The following EDC4 variants were observed in gnomAD, a reference collection of about 807,000 sequenced individuals.
The protein encoded by EDC4 is enhancer of mRNA-decapping protein 4.
A neutral mutation model predicts 155.8 loss-of-function variants in EDC4; 64 were observed. The ratio of observed to expected loss-of-function variants is 0.41; its 90% CI spans 0.34 to 0.51. The LOEUF is 0.51. Among genes scored for constraint, EDC4 ranks in the 20% least tolerant of loss-of-function variants. EDC4 has a pLI of 0.19. For missense variants in EDC4, 1,303 were observed against 1,812.5 expected, an observed-to-expected ratio of 0.72 and a Z score of 5.10; for synonymous variants, 684 against 716.8, an observed-to-expected ratio of 0.95 and a Z score of 0.73.
chr16:67,873,274 G>A lies in EDC4; in HGVS notation c.13G>A (p.Ala5Thr), dbSNP rs1302846233. Residue 5 changes from alanine to threonine, a missense_variant, in exon 1 of 29, where the codon GCG becomes ACG. Physicochemically the swap from Ala to Thr is moderately conservative, Grantham distance 58. This residue lies in a region of EDC4 where 99 missense variants were observed against 121.3 expected (regional missense o/e 0.82). Transcript: ENST00000358933. Reference sequence around the variant, plus strand: ...CGCCGCAGGGCCCATGGCCTCCTGCGCGAGCATCGACATCGAGGACGCCAC... The same window carrying A: ...CGCCGCAGGGCCCATGGCCTCCTGCACGAGCATCGACATCGAGGACGCCAC... Reference protein sequence around the residue: MASCASIDIEDATQH... With the variant: MASCTSIDIEDATQH... The A allele has an allele frequency of 6.8e-7, 1 of 1,469,736 alleles. No individual in the cohort carries two copies. The highest frequency in any genetic ancestry group is 9.0e-7 in the Non-Finnish European group (1 of 1,114,844). 91.0% of individuals were successfully genotyped at this position (1,469,736 alleles called of 1,614,324 possible). A position where few individuals can be genotyped will look rare whatever the true frequency, so the allele number is the denominator to read the frequency against.
chr16:67,877,765 C>T lies in EDC4; in HGVS notation c.814C>T (p.Leu272Phe). 6.2e-7 allele frequency: 1 copy of T among 1,614,184 alleles called. No individual in the cohort carries two copies. The highest frequency in any genetic ancestry group is 1.6e-4 in the Middle Eastern group (1 of 6,062). ...DRAEVWDLDM[L>F]RSSHSTWPVD... Reference sequence around the variant, plus strand: ...GGCTGAGGTGTGGGACCTGGACATGCTCCGCTCCAGCCACAGTACCTGGCC... The same window carrying T: ...GGCTGAGGTGTGGGACCTGGACATGTTCCGCTCCAGCCACAGTACCTGGCC... Residue 272 changes from leucine to phenylalanine, a missense_variant, in exon 7 of 29, where the codon CTC (leucine) becomes TTC (phenylalanine). Physicochemically the swap from Leu to Phe is conservative, Grantham distance 22. Transcript: ENST00000358933. This position sits in a 1 kb window ranked among gnomAD's most constrained non-coding sequence, Gnocchi z 4.9.
At position 67,882,975 on chromosome 16, in the gene EDC4, T is replaced by A. The variant is rs2058075652; in HGVS notation, c.3647T>A (p.Leu1216Ter). The part of the protein sequence containing the change: ...VAVGSLQESI[L>*]AQVQRIVKGE... ...CTTTGCAGCCTGCAGGAGTCCATTTTAGCACAGGTACAGCGCATCGTTAAG... is the reference window on the plus strand; with the variant it reads ...CTTTGCAGCCTGCAGGAGTCCATTTAAGCACAGGTACAGCGCATCGTTAAG... The change falls in exon 27 of 29, where the codon TTA (leucine) becomes TAA (stop). Residue 1216 changes from leucine to a stop codon, truncating the protein, a stop_gained. Transcript: ENST00000358933. LOFTEE classifies it high-confidence loss of function. The surrounding 1 kb of genome is among the most constrained non-coding windows in gnomAD (Gnocchi z 7.2). The A allele has an allele frequency of 6.2e-7, 1 of 1,613,986 alleles. No homozygotes were observed. The highest frequency in any genetic ancestry group is 8.5e-7 in the Non-Finnish European group (1 of 1,179,942).
chr16:67,873,273 C>A lies in EDC4; in HGVS notation c.12C>A (p.Cys4Ter). Residue 4 changes from cysteine (C) to a stop codon, truncating the protein, a stop_gained, in exon 1 of 29, where the codon TGC (cysteine) becomes TGA (stop). Transcript: ENST00000358933. LOFTEE classifies it high-confidence loss of function. MAS[C>*]ASIDIEDATQ... ...CCGCCGCAGGGCCCATGGCCTCCTG[C>A]GCGAGCATCGACATCGAGGACGCCA... is the stretch of plus-strand genomic sequence containing the variant. The A allele has an allele frequency of 6.8e-7, 1 of 1,469,158 alleles. No homozygotes were observed. The highest frequency in any genetic ancestry group is 1.3e-5 in the South Asian group (1 of 76,936). The allele number at this position is 1,469,158 out of a possible 1,614,324, so 91.0% of individuals were successfully genotyped here.
At position 67,873,221 on chromosome 16, in the gene EDC4, G is replaced by T. The variant is rs559652258; in HGVS notation, c.-41G>T. ...AGGGTGCGTGGTGCGCGGCGGCGGC[G>T]GAACGAACGCGGTGCGGGCGGGGCG... On this transcript the variant is annotated 5_prime_UTR_variant, in exon 1 of 29. Coordinates refer to ENST00000358933, the MANE Select transcript of EDC4 (RefSeq NM_014329.5). 1.5e-4 allele frequency: 197 copies of T among 1,354,510 alleles called. No individual in the cohort carries two copies. The highest frequency in any genetic ancestry group is 1.8e-4 in the Non-Finnish European group (194 of 1,054,668). 83.9% of individuals were successfully genotyped at this position (1,354,510 alleles called of 1,614,324 possible).
chr16:67,883,228 C>A lies in EDC4; in HGVS notation c.3849+51C>A. On this transcript the variant is annotated intron_variant, in intron 27 of 28. Coordinates refer to ENST00000358933, the MANE Select transcript of EDC4 (RefSeq NM_014329.5). This position sits in a 1 kb window ranked among gnomAD's most constrained non-coding sequence, Gnocchi z 5.3. Reference sequence around the variant, plus strand: ...AGGGTCACGTGTCTCTTGACAAGGCCCACATACCATACATTCTACTCCACC... The same window carrying A: ...AGGGTCACGTGTCTCTTGACAAGGCACACATACCATACATTCTACTCCACC... 1 of 1,508,224 alleles carries A rather than the reference C, an allele frequency of 6.6e-7. No individual in the cohort carries two copies. Among genetic ancestry groups the A allele is most frequent in the South Asian group, 1.3e-5 (1 of 79,414 alleles). 93.4% of individuals were successfully genotyped at this position (1,508,224 alleles called of 1,614,324 possible). A position where few individuals can be genotyped will look rare whatever the true frequency, so the allele number is the denominator to read the frequency against.
In EDC4 at chr16:67,881,550, A is replaced by G. The variant is rs2058068158; in HGVS notation, c.2826+17A>G. On this transcript the variant is annotated intron_variant, in intron 21 of 28. Transcript: ENST00000358933. This position sits in a 1 kb window ranked among gnomAD's most constrained non-coding sequence, Gnocchi z 5.4. Reference sequence around the variant, plus strand: ...GAGCACCAGGTAAGTGAATGAGCCCACTTTGTACTTGTGGAACTTCACCCT... The same window carrying G: ...GAGCACCAGGTAAGTGAATGAGCCCGCTTTGTACTTGTGGAACTTCACCCT... 2 of 1,613,610 alleles carry G rather than the reference A, an allele frequency of 1.2e-6. No individual in the cohort carries two copies. Among genetic ancestry groups the G allele is most frequent in the Admixed American group, 1.7e-5 (1 of 59,998 alleles).
At chr16:67,875,036 C>T (rs1015021592) in intron 1 of EDC4, among the ~76,000 whole-genome samples, 4 of 152,146 alleles carry the variant, frequency 2.6e-5, no homozygotes, top group African/African-American at 9.7e-5. Flanking sequence ...GCCGAGATCG[C>T]GCCAAAATAA....
In EDC4 at chr16:67,878,909, C is replaced by CCG; in HGVS notation, c.1288-48_1288-47insCG. ...GAAGGCCGGGGGGCAGGTGGCGCATCACAGCCCTTAGCCTCTGAGCTCAGC... is the reference window on the plus strand; with the variant it reads ...GAAGGCCGGGGGGCAGGTGGCGCATCCGACAGCCCTTAGCCTCTGAGCTCAGC... On this transcript the variant is annotated intron_variant, in intron 11 of 28. Coordinates refer to ENST00000358933, the MANE Select transcript of EDC4 (RefSeq NM_014329.5). This position sits in a 1 kb window ranked among gnomAD's most constrained non-coding sequence, Gnocchi z 5.2. 1 of 1,611,094 alleles carries CCG rather than the reference C, an allele frequency of 6.2e-7. No individual in the cohort carries two copies. The highest frequency in any genetic ancestry group is 8.5e-7 in the Non-Finnish European group (1 of 1,179,806).
At chr16:67,875,632 A>G in intron 1 of EDC4, 1 of 777,504 alleles carries the variant, frequency 1.3e-6, no homozygotes, top group Non-Finnish European at 1.6e-6. Flanking sequence ...GTCTTTCCTG[A>G]CCCCTCCTAT....
Position 67,880,869 on chromosome 16 carries a change from C to G in EDC4, c.2410C>G (p.Arg804Gly). ...GLDGGPGDGD[R>G]HNTPSLLEAA... ...TGATGGAGGCCCTGGGGATGGAGAT[C>G]GGCATAATACCCCCTCCCTCCTGGA... Residue 804 changes from arginine (R) to glycine (G), a missense_variant, in exon 18 of 29, where the codon CGG (arginine) becomes GGG (glycine). Arg to Gly is a moderately radical substitution (Grantham distance 125). Transcript: ENST00000358933. The surrounding 1 kb of genome is among the most constrained non-coding windows in gnomAD (Gnocchi z 5.2). 2 of 1,613,894 alleles carry G rather than the reference C, an allele frequency of 1.2e-6. No homozygotes were observed. The highest frequency in any genetic ancestry group is 8.5e-7 in the Non-Finnish European group (1 of 1,180,014).
intron 1 of EDC4, among the ~76,000 whole-genome samples, chr16:67,875,298 C>T (rs2058036872): frequency 6.6e-6 from 1 of 152,196 alleles, no homozygotes; most frequent in Non-Finnish European, 1.5e-5. Context: ...TGAGCCATTT[C>T]TGTGTGGGGC....
In EDC4 at chr16:67,876,944, T is replaced by C; in HGVS notation, c.423T>C (p.Ser141=). Residue 141 remains serine (S), a synonymous_variant, in exon 4 of 29, where the codon TCT becomes TCC. Coordinates refer to ENST00000358933, the MANE Select transcript of EDC4 (RefSeq NM_014329.5). This position sits in a 1 kb window ranked among gnomAD's most constrained non-coding sequence, Gnocchi z 5.8. ...KYYYGNLIAV[S]NSFLAYAIRA... Reference sequence around the variant, plus strand: ...ACTATGGCAACCTGATTGCTGTGTCTAACTCCTTCTTGGCCTATGCCATTC... The same window carrying C: ...ACTATGGCAACCTGATTGCTGTGTCCAACTCCTTCTTGGCCTATGCCATTC... The C allele has an allele frequency of 6.2e-7, 1 of 1,614,248 alleles. No individual in the cohort carries two copies. The highest frequency in any genetic ancestry group is 1.1e-5 in the South Asian group (1 of 91,088).
At position 67,880,444 on chromosome 16, in the gene EDC4, C is replaced by T. The variant is rs1467693644; in HGVS notation, c.2098-113C>T. 3.5e-6 allele frequency: 5 copies of T among 1,448,018 alleles called. No homozygotes were observed. Among genetic ancestry groups the T allele is most frequent in the Non-Finnish European group, 4.7e-6 (5 of 1,065,130 alleles). 89.7% of individuals were successfully genotyped at this position (1,448,018 alleles called of 1,614,324 possible). A position where few individuals can be genotyped will look rare whatever the true frequency, so the allele number is the denominator to read the frequency against. On this transcript the variant is annotated intron_variant, in intron 17 of 28. Coordinates refer to ENST00000358933, the MANE Select transcript of EDC4 (RefSeq NM_014329.5). The surrounding 1 kb of genome is among the most constrained non-coding windows in gnomAD (Gnocchi z 5.2). The stretch of plus-strand genomic sequence containing the variant: ...TGGCCTCGTTTTTGACCTGTATCCC[C>T]ACTTCCCTGCTGCCCTGTCTCTCAT...
rs1365298215 is a variant in EDC4, at chr16:67,873,118, G to T, written c.-144G>T. On this transcript the variant is annotated 5_prime_UTR_variant, in exon 1 of 29. Coordinates refer to ENST00000358933, the MANE Select transcript of EDC4 (RefSeq NM_014329.5). The stretch of plus-strand genomic sequence containing the variant: ...GGTTGGCGGGGCTCAGCGACGCTGC[G>T]CGGGTGGCGGTTTGCGAACTGCGGG... 3.6e-6 allele frequency: 2 copies of T among 554,642 alleles called. No homozygotes were observed. Among genetic ancestry groups the T allele is most frequent in the Non-Finnish European group, 5.7e-6 (2 of 352,164 alleles). 34.4% of individuals were successfully genotyped at this position (554,642 alleles called of 1,614,324 possible). A position where few individuals can be genotyped will look rare whatever the true frequency, so the allele number is the denominator to read the frequency against.
At position 67,877,873 on chromosome 16, in the gene EDC4, G is replaced by A. The variant is rs1210315912; in HGVS notation, c.894+28G>A. The A allele has an allele frequency of 6.2e-7, 1 of 1,612,586 alleles. No individual in the cohort carries two copies. The highest frequency in any genetic ancestry group is 8.5e-7 in the Non-Finnish European group (1 of 1,179,598). On this transcript the variant is annotated intron_variant, in intron 7 of 28. Coordinates refer to ENST00000358933, the MANE Select transcript of EDC4 (RefSeq NM_014329.5). This position sits in a 1 kb window ranked among gnomAD's most constrained non-coding sequence, Gnocchi z 4.9. ...AAGCCTGTGACTGCCTGCCTCCCCT[G>A]CCCTCCCCACTTCCTCATATCCATC...
At position 67,879,480 on chromosome 16, in the gene EDC4, C is replaced by T; in HGVS notation, c.1610C>T (p.Thr537Ile). ...CCTGATGTGGTGGCCCCACTGCCCA[C>T]CCACACTGCCCACGAGGACTTCAGT... The part of the protein sequence containing the change: ...LNPDVVAPLP[T>I]HTAHEDFTFG... The change falls in exon 14 of 29, where the codon ACC becomes ATC. Residue 537 changes from threonine to isoleucine, a missense_variant. Coordinates refer to ENST00000358933, the MANE Select transcript of EDC4 (RefSeq NM_014329.5). The surrounding 1 kb of genome is among the most constrained non-coding windows in gnomAD (Gnocchi z 6.0). The T allele has an allele frequency of 6.2e-7, 1 of 1,614,194 alleles. No homozygotes were observed. Among genetic ancestry groups the T allele is most frequent in the Non-Finnish European group, 8.5e-7 (1 of 1,180,026 alleles).
chr16:67,884,463 A>C lies in EDC4; in HGVS notation c.*315A>C. On this transcript the variant is annotated 3_prime_UTR_variant, in exon 29 of 29. Coordinates refer to ENST00000358933, the MANE Select transcript of EDC4 (RefSeq NM_014329.5). This position sits in a 1 kb window ranked among gnomAD's most constrained non-coding sequence, Gnocchi z 4.1. ...ATTTGGATCTTTTTGTTTTTGAAAA[A>C]CATTGAGAAATTCAATTAAATGCTT... 1 of 502,562 alleles carries C rather than the reference A, an allele frequency of 2.0e-6. No individual in the cohort carries two copies. Among genetic ancestry groups the C allele is most frequent in the Non-Finnish European group, 3.5e-6 (1 of 284,000 alleles). The allele number at this position is 502,562 out of a possible 1,614,324, so 31.1% of individuals were successfully genotyped here. A position where few individuals can be genotyped will look rare whatever the true frequency, so the allele number is the denominator to read the frequency against.
chr16:67,882,782 G>C lies in EDC4; in HGVS notation c.3546G>C (p.Gln1182His). ...AQLRGLVSTLQSATEQMAATV... is the reference protein window; with the variant it reads ...AQLRGLVSTLHSATEQMAATV... ...TGCGGGGCCTGGTCAGCACACTGCA[G>C]AGTGCCACTGAGCAGATGGCAGCCA... The change falls in exon 26 of 29, where the codon CAG becomes CAC. Residue 1182 changes from glutamine (Q) to histidine (H), a missense_variant. Around this residue, in one of 5 missense-constraint regions of EDC4, gnomAD observed 527 missense variants for 757.0 expected, o/e 0.70. Transcript: ENST00000358933. This position sits in a 1 kb window ranked among gnomAD's most constrained non-coding sequence, Gnocchi z 7.2. 6.2e-7 allele frequency: 1 copy of C among 1,614,226 alleles called. No homozygotes were observed. The highest frequency in any genetic ancestry group is 8.5e-7 in the Non-Finnish European group (1 of 1,180,036).
rs777652247 is a variant in EDC4, at chr16:67,884,038, C to G, written c.4096C>G (p.Arg1366Gly). 1.2e-6 allele frequency: 2 copies of G among 1,614,122 alleles called. No homozygotes were observed. The highest frequency in any genetic ancestry group is 1.7e-6 in the Non-Finnish European group (2 of 1,180,010). Residue 1366 changes from arginine to glycine, a missense_variant, in exon 29 of 29, where the codon CGC becomes GGC. Coordinates refer to ENST00000358933, the MANE Select transcript of EDC4 (RefSeq NM_014329.5). This position sits in a 1 kb window ranked among gnomAD's most constrained non-coding sequence, Gnocchi z 4.1. ...DHMGSVMAQVRQKLFQFLQAE... is the reference protein window; with the variant it reads ...DHMGSVMAQVGQKLFQFLQAE... ...CATGGGCTCCGTTATGGCCCAGGTG[C>G]GCCAAAAGCTTTTTCAGTTCCTGCA... is the stretch of plus-strand genomic sequence containing the variant.
Sources: gnomAD v4.1 joint callset for allele counts (sites outside exome capture counted in the v4.1 genomes callset) on GRCh38, gnomAD v4.1.1 for gene constraint, gnomAD v4.1.1 regional missense constraint, Gnocchi (gnomAD v3.1) non-coding constraint, MANE v1.5 for transcripts, NCBI Gene and HGNC (gene_info 2026-07-23, HGNC 2026-07-21) for gene names.